The following TUSC3 variants were observed in gnomAD, a reference collection of about 807,000 sequenced individuals.
TUSC3 encodes tumor suppressor candidate 3, also known as dolichyl-diphosphooligosaccharide--protein glycosyltransferase subunit TUSC3.
A neutral mutation model predicts 44.8 loss-of-function variants in TUSC3; 45 were observed. The ratio of observed to expected loss-of-function variants is 1.00; its 90% CI spans 0.79 to 1.29. The LOEUF (loss-of-function observed/expected upper bound fraction) is 1.29. TUSC3 is among the 50% of genes most tolerant of loss of function. The probability of loss-of-function intolerance (pLI) is 0.00; values close to 1 mark genes in which losing one functional copy is unlikely to be tolerated. For synonymous variants in TUSC3, 212 were observed against 152.9 expected (o/e 1.39, Z -2.85); for missense variants, 519 against 437.9 (o/e 1.19, Z -1.65).
At chr8:15,746,970 C>T (rs774913853) in intron 8 of TUSC3, among the ~76,000 whole-genome samples, 36 of 151,914 alleles carry the variant, frequency 2.4e-4, no homozygotes, top group Non-Finnish European at 5.3e-4. Context: ...TTTATTTTCT[C>T]CCAATATTCA....
chr8:15,576,850 TG>T (rs1803136949), intron 1 of TUSC3, among the ~76,000 whole-genome samples: 1 of 134,800 alleles, frequency 7.4e-6, no homozygotes, highest in Admixed American at 7.8e-5. Flanking sequence ...CTGGGTCAAA[TG>T]GTATTTCTAG....
At chr8:15,549,945 G>A (rs946751978) in intron 1 of TUSC3, among the ~76,000 whole-genome samples, 5 of 151,584 alleles carry the variant, frequency 3.3e-5, no homozygotes, top group Non-Finnish European at 7.4e-5. Flanking sequence ...CAAAAACCGA[G>A]CTCCCCGAGT....
At chr8:15,510,233 A>T (rs1801115467) in intron 2 of TUSC3, among the ~76,000 whole-genome samples, 1 of 152,198 alleles carries the variant, frequency 6.6e-6, no homozygotes. Flanking sequence ...AAATAGATAC[A>T]ATCAAAGTGG....
chr8:15,544,083 A>G (rs1430675927), intron 1 of TUSC3, among the ~76,000 whole-genome samples: 2 of 152,170 alleles, frequency 1.3e-5, no homozygotes, highest in African/African-American at 2.4e-5. Flanking sequence ...GGAAATTTGT[A>G]TAGTCACTTT....
intron 1 of TUSC3, among the ~76,000 whole-genome samples, chr8:15,548,712 A>G (rs1055873736): frequency 1.3e-5 from 2 of 151,840 alleles, no homozygotes; most frequent in Non-Finnish European, 2.9e-5. Flanking sequence ...TCATTCTACT[A>G]AGGGAGGTAT....
chr8:15,585,948 C>T (rs1410705757), intron 1 of TUSC3, among the ~76,000 whole-genome samples: 1 of 151,996 alleles, frequency 6.6e-6, no homozygotes, highest in East Asian at 1.9e-4. Flanking sequence ...CCATAGAATT[C>T]CTACGGAATA....
intron 1 of TUSC3, among the ~76,000 whole-genome samples, chr8:15,601,469 A>T (rs768969521): frequency 4.0e-5 from 6 of 151,700 alleles, no homozygotes; most frequent in Admixed American, 6.6e-5. Context: ...AAGGCTGGCA[A>T]CCCAAAACAT....
At chr8:15,614,190 A>T (rs1804888238) in intron 1 of TUSC3, among the ~76,000 whole-genome samples, 2 of 152,098 alleles carry the variant, frequency 1.3e-5, no homozygotes, top group Non-Finnish European at 2.9e-5. Context: ...TATTATTTTA[A>T]TTAAGGTTTC....
At chr8:15,606,917 TTGTG>T (rs34911405) in intron 1 of TUSC3, among the ~76,000 whole-genome samples, 13 of 149,940 alleles carry the variant, frequency 8.7e-5, no homozygotes, top group South Asian at 6.3e-4. Flanking sequence ...TAATAAAACA[TTGTG>T]TGTGTGTGTG....
At chr8:15,724,128 C>T (rs1810410096) in intron 6 of TUSC3, among the ~76,000 whole-genome samples, 1 of 152,152 alleles carries the variant, frequency 6.6e-6, no homozygotes, top group South Asian at 2.1e-4. Flanking sequence ...TCTCTGTCTG[C>T]TCACAAAGAA....
In TUSC3 at chr8:15,427,520, G is replaced by A. The variant is rs145066358; in HGVS notation, n.91+10215G>A. On this transcript the variant is annotated intron_variant and non_coding_transcript_variant, in intron 1 of 5. Coordinates refer to the TUSC3 transcript ENST00000503191. ...CACCAGATGCCAGAAGTATGCCAAC[G>A]TATAAAACCCCAACTTGACAGGTCA... Among the ~76,000 whole-genome samples, 1,134 of 152,250 alleles carry A rather than the reference G, an allele frequency of 7.4e-3. 16 individuals are homozygous for A. Among genetic ancestry groups the A allele is most frequent in the African/African-American group, 0.025 (1,057 of 41,546 alleles).
intron 2 of TUSC3, among the ~76,000 whole-genome samples, chr8:15,635,638 G>GGTA (rs1174922827): frequency 6.6e-6 from 1 of 152,168 alleles, no homozygotes; most frequent in Non-Finnish European, 1.5e-5. Flanking sequence ...AGGTGCCAGT[G>GGTA]GTAGCCCCGA....
At chr8:15,711,855 T>C (rs981952756) in intron 6 of TUSC3, among the ~76,000 whole-genome samples, 6 of 151,870 alleles carry the variant, frequency 4.0e-5, no homozygotes, top group African/African-American at 1.2e-4. Flanking sequence ...TATTTTAAAA[T>C]ATATAGCTTC....
At chr8:15,502,000 CATT>C (rs1349758752) in intron 2 of TUSC3, among the ~76,000 whole-genome samples, 2 of 152,154 alleles carry the variant, frequency 1.3e-5, no homozygotes, top group Non-Finnish European at 2.9e-5. Flanking sequence ...GTAATATGCT[CATT>C]ATGTTTTGAT....
intron 6 of TUSC3, among the ~76,000 whole-genome samples, chr8:15,674,340 C>G (rs1371090811): frequency 6.6e-6 from 1 of 151,948 alleles, no homozygotes; most frequent in African/African-American, 2.4e-5. Flanking sequence ...GTAACTGCCA[C>G]CGAATTCACA....
intron 6 of TUSC3, among the ~76,000 whole-genome samples, chr8:15,687,803 G>C (rs1046139625): frequency 9.2e-5 from 14 of 152,186 alleles, no homozygotes; most frequent in African/African-American, 3.1e-4. Flanking sequence ...TTGCAAATAG[G>C]AACTCAGATT....
At chr8:15,535,796 G>A (rs1801514112), upstream of TUSC3, among the ~76,000 whole-genome samples, 1 of 152,094 alleles carries the variant, frequency 6.6e-6, no homozygotes, top group African/African-American at 2.4e-5. Context: ...TTTTAAGAAG[G>A]GGAGGTTTGG....
intron 6 of TUSC3, among the ~76,000 whole-genome samples, chr8:15,726,665 G>T (rs2129206499): frequency 6.6e-6 from 1 of 152,068 alleles, no homozygotes; most frequent in East Asian, 1.9e-4. Flanking sequence ...AATTAGCCAG[G>T]CATGGTGGTG....
intron 2 of TUSC3, among the ~76,000 whole-genome samples, chr8:15,491,308 C>A (rs1585064142): frequency 6.6e-6 from 1 of 152,194 alleles, no homozygotes; most frequent in East Asian, 1.9e-4. Flanking sequence ...TTGGGGCCCA[C>A]AAGGAATTTC....
Sources: allele counts gnomAD v4.1 joint callset (sites outside exome capture counted in the v4.1 genomes callset), GRCh38; gene constraint gnomAD v4.1.1; transcripts MANE v1.5; gene names NCBI Gene and HGNC (gene_info 2026-07-23, HGNC 2026-07-21).